The following TEX14 variants were observed in gnomAD, a reference collection of about 807,000 sequenced individuals.
The protein encoded by TEX14 is inactive serine/threonine-protein kinase TEX14.
In TEX14, 168 loss-of-function variants were observed where a neutral mutation model predicts 178.6. The observed-to-expected ratio is 0.94, with a 90% CI of 0.83 to 1.07. The LOEUF is 1.07. Ranked by LOEUF, TEX14 falls within the 50% of genes least tolerant of loss-of-function variation. TEX14 has a pLI of 0.00. For missense variants in TEX14, 1,730 were observed against 1,753.6 expected (o/e 0.99, Z 0.24); for synonymous variants, 626 against 634.1 (o/e 0.99, Z 0.19).
intron 3 of TEX14, among the ~76,000 whole-genome samples, chr17:58,628,017 T>C (rs543824905): frequency 6.9e-5 from 10 of 144,968 alleles, no homozygotes; most frequent in Admixed American, 1.4e-4. Context: ...ACCTCCCAAA[T>C]TGCTGGGATT....
intron 1 of TEX14, chr17:58,661,724 G>A: frequency 3.5e-6 from 2 of 574,214 alleles, no homozygotes; most frequent in South Asian, 4.6e-5. Flanking sequence ...GGGAGGCGGT[G>A]GCGTTGGGGG....
Position 58,599,063 on chromosome 17 carries a change from T to C in TEX14, c.2282A>G (p.Lys761Arg). Residue 761 changes from lysine to arginine, a missense_variant, in exon 14 of 32, where the codon AAA becomes AGA. Physicochemically the swap from Lys to Arg is conservative, Grantham distance 26. Around this residue, in one of 2 missense-constraint regions of TEX14, gnomAD observed 941 missense variants for 1,072.4 expected, o/e 0.88. Transcript: ENST00000349033. ...IEQILDEVEM[K>R]QKEQEERMSL... Reference sequence around the variant, plus strand: ...CATGCGCTCTTCCTGTTCCTTCTGTTTCATCTCGACTTCATCTAATATCTG... The same window carrying C: ...CATGCGCTCTTCCTGTTCCTTCTGTCTCATCTCGACTTCATCTAATATCTG... The C allele has an allele frequency of 2.2e-5, 36 of 1,614,188 alleles. No homozygotes were observed. The highest frequency in any genetic ancestry group is 3.1e-5 in the Non-Finnish European group (36 of 1,180,032).
At position 58,593,596 on chromosome 17, in the gene TEX14, G is replaced by A. The variant is rs1435507783; in HGVS notation, c.2535C>T (p.Ala845=). Residue 845 remains alanine (A), a synonymous_variant, in exon 15 of 32, where the codon GCC becomes GCT. Transcript: ENST00000349033. ...TCCTGCTTGTTTCCAAACTGTCCTT[G>A]GCTCCTTGAGTGCACTGAAATTGTT... The part of the protein sequence containing the change: ...TDEQFQCTQG[A]KDSLETSRIQ... 4 of 1,614,062 alleles carry A rather than the reference G, an allele frequency of 2.5e-6. No individual in the cohort carries two copies. The East Asian group carries it at 8.9e-5, about 36-fold the overall frequency.
At chr17:58,619,291 A>G (rs1262171736) in intron 5 of TEX14, among the ~76,000 whole-genome samples, 2 of 152,158 alleles carry the variant, frequency 1.3e-5, no homozygotes, top group Non-Finnish European at 2.9e-5. Flanking sequence ...CTGCTCTCTT[A>G]CCTAAATTTC....
chr17:58,621,615 G>A, intron 5 of TEX14, 35 bp downstream of exon 5: 6 of 1,574,992 alleles, frequency 3.8e-6, no homozygotes, highest in Non-Finnish European at 5.2e-6. Context: ...GCTGGGTGAT[G>A]GAGACTATCC....
chr17:58,577,377 T>C lies in TEX14; in HGVS notation c.3318A>G (p.Arg1106=), dbSNP rs1436976071. Reference sequence around the variant, plus strand: ...CATAAGATAATAATAGCCCATACCTTCGTACAGGTTGAAATTGAGACCTGG... The same window carrying C: ...CATAAGATAATAATAGCCCATACCTCCGTACAGGTTGAAATTGAGACCTGG... The part of the protein sequence containing the change: ...ILPRSQFQPV[R]STEDEQEETS... The change falls in exon 21 of 32, where the codon CGA becomes CGG. Residue 1106 remains arginine (R), a splice_region_variant and synonymous_variant. Coordinates refer to ENST00000349033, the MANE Select transcript of TEX14 (RefSeq NM_031272.5). 1.4e-6 allele frequency: 2 copies of C among 1,417,834 alleles called. No individual in the cohort carries two copies. The highest frequency in any genetic ancestry group is 3.0e-5 in the African/African-American group (2 of 66,918). The allele number at this position is 1,417,834 out of a possible 1,614,324, so 87.8% of individuals were successfully genotyped here. A position where few individuals can be genotyped will look rare whatever the true frequency, so the allele number is the denominator to read the frequency against.
chr17:58,604,957 C>A (rs774494427), intron 11 of TEX14, 21 bp downstream of exon 11: 1 of 1,613,710 alleles, frequency 6.2e-7, no homozygotes, highest in South Asian at 1.1e-5. Flanking sequence ...CTTTGGTCAA[C>A]CATTAATGAT....
chr17:58,667,338 C>G (rs573704272), intron 1 of TEX14, among the ~76,000 whole-genome samples: 1 of 152,168 alleles, frequency 6.6e-6, no homozygotes, highest in Non-Finnish European at 1.5e-5. Context: ...GTTTGTAAAA[C>G]CTGCATTACT....
intron 15 of TEX14, among the ~76,000 whole-genome samples, chr17:58,589,882 T>C (rs532504958): frequency 6.6e-6 from 1 of 151,708 alleles, no homozygotes; most frequent in East Asian, 1.9e-4. Context: ...GTATTTTTGG[T>C]AGGGATGAAG....
At position 58,571,902 on chromosome 17, in the gene TEX14, G is replaced by T. The variant is rs373691333; in HGVS notation, c.3717+19C>A. The stretch of plus-strand genomic sequence containing the variant: ...TGGGCTGACTCCATGAGTTTGTAAC[G>T]TGGAATTGATATACTTACAAGACCA... On this transcript the variant is annotated intron_variant, in intron 24 of 31. Transcript: ENST00000349033. 1.9e-6 allele frequency: 3 copies of T among 1,606,622 alleles called. No homozygotes were observed. Among genetic ancestry groups the T allele is most frequent in the Non-Finnish European group, 8.5e-7 (1 of 1,174,046 alleles).
At chr17:58,570,068 T>C (rs2044484936) in intron 25 of TEX14, among the ~76,000 whole-genome samples, 1 of 151,898 alleles carries the variant, frequency 6.6e-6, no homozygotes, top group African/African-American at 2.4e-5. Context: ...AGCCTCAAAA[T>C]ATAACAAGGG....
intron 1 of TEX14, among the ~76,000 whole-genome samples, chr17:58,676,774 C>T (rs1285526077): frequency 1.3e-5 from 2 of 151,924 alleles, no homozygotes; most frequent in African/African-American, 4.8e-5. Flanking sequence ...TCACTTGAGG[C>T]CAAGAGTTCG....
chr17:58,637,669 C>T (rs751587014), intron 2 of TEX14, among the ~76,000 whole-genome samples: 9 of 152,172 alleles, frequency 5.9e-5, no homozygotes, highest in Non-Finnish European at 1.2e-4. Flanking sequence ...TTGCCCTAGA[C>T]ATCTCTTCCA....
chr17:58,654,505 CTT>C (rs1267652949), intron 1 of TEX14, among the ~76,000 whole-genome samples: 28 of 135,272 alleles, frequency 2.1e-4, no homozygotes, highest in East Asian at 1.1e-3. Flanking sequence ...CAACTTGTAA[CTT>C]TTTTTTTTTT....
At position 58,669,338 on chromosome 17, in the gene TEX14, C is replaced by T. The variant is rs192741453; in HGVS notation, c.-1-17336G>A. On this transcript the variant is annotated intron_variant, in intron 1 of 31. Transcript: ENST00000349033. ...CTGCACTCCAGCCTGGGCGAAAGAG[C>T]GACACTCTGTCTCAAAAACAAACAA... 2.9e-3 allele frequency among the ~76,000 whole-genome samples: 426 copies of T among 145,358 alleles called. 2 individuals carry two copies. The highest frequency in any genetic ancestry group is 0.02 in the Middle Eastern group (5 of 250).
chr17:58,649,271 G>T (rs1380605062), intron 2 of TEX14, among the ~76,000 whole-genome samples: 1 of 150,918 alleles, frequency 6.6e-6, no homozygotes, highest in Non-Finnish European at 1.5e-5. Context: ...GTAGAGACTG[G>T]GTTTCACCAT....
At position 58,602,496 on chromosome 17, in the gene TEX14, A is replaced by T; in HGVS notation, c.1431T>A (p.Pro477=). ...TGCCTGACTTAACAATATCATAGTA[A>T]GGTTTCGGAAGCCTGACATCAGCTT... ...YLEADVRLPK[P]YYDIVKSGIH... Residue 477 remains proline, a synonymous_variant, in exon 12 of 32, where the codon CCT becomes CCA. Transcript: ENST00000349033. 1.9e-6 allele frequency: 3 copies of T among 1,614,044 alleles called. No homozygotes were observed. The highest frequency in any genetic ancestry group is 2.5e-6 in the Non-Finnish European group (3 of 1,180,020).
intron 1 of TEX14, among the ~76,000 whole-genome samples, chr17:58,668,013 C>T (rs570232098): frequency 6.6e-6 from 1 of 152,170 alleles, no homozygotes; most frequent in East Asian, 1.9e-4. Context: ...AGTAAAGGAA[C>T]CCTGCTAAGT....
chr17:58,613,870 T>G (rs1487126394), intron 8 of TEX14, among the ~76,000 whole-genome samples: 1 of 152,162 alleles, frequency 6.6e-6, no homozygotes, highest in Non-Finnish European at 1.5e-5. Context: ...TTTCACCATG[T>G]TGGCCAGGCT....
Sources: gnomAD v4.1 joint callset for allele counts (sites outside exome capture counted in the v4.1 genomes callset) on GRCh38, gnomAD v4.1.1 for gene constraint, gnomAD v4.1.1 regional missense constraint, MANE v1.5 for transcripts, NCBI Gene and HGNC (gene_info 2026-07-23, HGNC 2026-07-21) for gene names.